Variants in CACNA2D4 observed in about 807,000 individuals in gnomAD.
CACNA2D4 encodes the protein voltage-dependent calcium channel subunit alpha-2/delta-4.
A neutral mutation model predicts 163.8 loss-of-function variants in CACNA2D4; 157 were observed. That is an observed-to-expected ratio of 0.96 (90% CI 0.84 to 1.09). The LOEUF is 1.09. Among genes scored for constraint, CACNA2D4 ranks in the 50% least tolerant of loss-of-function variants. The pLI is 0.00. For missense variants in CACNA2D4, 1,410 were observed against 1,479.9 expected, an observed-to-expected ratio of 0.95 and a Z score of 0.78; for synonymous variants, 598 against 586.9, an observed-to-expected ratio of 1.02 and a Z score of -0.27.
chr12:1,857,138 G>A (rs1023003522), intron 20 of CACNA2D4, among the ~76,000 whole-genome samples: 1 of 152,234 alleles, frequency 6.6e-6, no homozygotes, highest in Non-Finnish European at 1.5e-5. Context: ...GAGGCCTAGG[G>A]ATGATGGGGA....
chr12:1,918,154 C>T (rs188762514), intron 1 of CACNA2D4, 93 bp downstream of exon 1: 46 of 882,700 alleles, frequency 5.2e-5, no homozygotes, highest in East Asian at 1.1e-4. Flanking sequence ...AGGGCAGGGG[C>T]GGGAGGAGTG....
chr12:1,817,441 T>C (rs986241437), intron 26 of CACNA2D4, among the ~76,000 whole-genome samples: 9 of 151,996 alleles, frequency 5.9e-5, no homozygotes, highest in Admixed American at 2.6e-4. Flanking sequence ...CTTGAACAGC[T>C]CTGTGTAGGA....
At chr12:1,840,840 C>T in intron 25 of CACNA2D4, 21 bp from the exon 26 acceptor site, 4 of 1,486,756 alleles carry the variant, frequency 2.7e-6, no homozygotes, top group Non-Finnish European at 3.6e-6. Flanking sequence ...AGAGACAACC[C>T]AGTCATGGGG....
intron 6 of CACNA2D4, among the ~76,000 whole-genome samples, chr12:1,903,813 G>A (rs11503099): frequency 6.6e-6 from 1 of 151,900 alleles, no homozygotes; most frequent in Non-Finnish European, 1.5e-5. Flanking sequence ...CAGTTTTGAG[G>A]TTCCTCAAAA....
At chr12:1,887,798 A>G (rs1866185169) in intron 6 of CACNA2D4, among the ~76,000 whole-genome samples, 1 of 152,210 alleles carries the variant, frequency 6.6e-6, no homozygotes, top group Non-Finnish European at 1.5e-5. Context: ...TAAAAGAAGA[A>G]GAGTAAAAAT....
At chr12:1,825,581 C>T (rs926040712) in intron 26 of CACNA2D4, among the ~76,000 whole-genome samples, 1 of 152,212 alleles carries the variant, frequency 6.6e-6, no homozygotes, top group Admixed American at 6.5e-5. Context: ...TGCTGGAGTG[C>T]TGCCAGCCAG....
chr12:1,884,205 G>A (rs1318653546), intron 12 of CACNA2D4, 38 bp downstream of exon 12: 3 of 1,583,064 alleles, frequency 1.9e-6, no homozygotes, highest in African/African-American at 2.7e-5. Context: ...CCTGTGCTCA[G>A]GTGCAGGTGG....
At chr12:1,871,030 C>T (rs1176109371) in intron 18 of CACNA2D4, among the ~76,000 whole-genome samples, 1 of 152,178 alleles carries the variant, frequency 6.6e-6, no homozygotes, top group Non-Finnish European at 1.5e-5. Context: ...ATGCCAGCCG[C>T]TGGTGTGTGT....
chr12:1,890,286 TCCAGACTCCA>T (rs1016567817), intron 6 of CACNA2D4, among the ~76,000 whole-genome samples: 2 of 151,952 alleles, frequency 1.3e-5, no homozygotes, highest in African/African-American at 4.8e-5. Flanking sequence ...ATATCAAGAG[TCCAGACTCCA>T]CCAGACTGCG....
In CACNA2D4 at chr12:1,810,155, G is replaced by C. The variant is rs1011011821; in HGVS notation, c.2721+123C>G. ...ACCATGTTCTTCAGACCTTTCACCTGAATTGGCCCCGAACAGGGTTCCCTC... is the reference window on the plus strand; with the variant it reads ...ACCATGTTCTTCAGACCTTTCACCTCAATTGGCCCCGAACAGGGTTCCCTC... On this transcript the variant is annotated intron_variant, in intron 29 of 37. Coordinates refer to ENST00000382722, the MANE Select transcript of CACNA2D4 (RefSeq NM_172364.5). 1.6e-5 allele frequency: 12 copies of C among 739,182 alleles called. No homozygotes were observed. The African/African-American group carries it at 1.9e-4, about 12-fold the overall frequency. 45.8% of individuals were successfully genotyped at this position (739,182 alleles called of 1,614,324 possible).
chr12:1,838,243 ACACGGCAGTGACGCGCAGCCCGC>A (rs1385569578), intron 26 of CACNA2D4, among the ~76,000 whole-genome samples: 1 of 152,134 alleles, frequency 6.6e-6, no homozygotes, highest in Non-Finnish European at 1.5e-5. Context: ...GTGGTGTTAT[ACACGGCAGTGACGCGCAGCCCGC>A]CACTGCCCCC....
At chr12:1,899,308 T>C (rs1565735990) in intron 6 of CACNA2D4, among the ~76,000 whole-genome samples, 1 of 151,478 alleles carries the variant, frequency 6.6e-6, no homozygotes, top group Non-Finnish European at 1.5e-5. Context: ...AAGGAGAACA[T>C]AAGAAAGAGC....
chr12:1,917,072 C>T lies in CACNA2D4; in HGVS notation c.227+1175G>A, dbSNP rs543223710. The stretch of plus-strand genomic sequence containing the variant: ...GAACATCTCCTGCAGCAACAGATAG[C>T]GTTACGGGCTGGCGGCGGGTGTAAT... On this transcript the variant is annotated intron_variant, in intron 1 of 37. Coordinates refer to ENST00000382722, the MANE Select transcript of CACNA2D4 (RefSeq NM_172364.5). The surrounding 1 kb of genome is among the most constrained non-coding windows in gnomAD (Gnocchi z 4.3). 4.9e-4 allele frequency among the ~76,000 whole-genome samples: 75 copies of T among 152,274 alleles called. No individual in the cohort carries two copies. Among genetic ancestry groups the T allele is most frequent in the African/African-American group, 1.8e-3 (73 of 41,542 alleles).
In CACNA2D4 at chr12:1,797,482, CG is replaced by C; in HGVS notation, c.3048del (p.Val1017CysfsTer38). The C allele has an allele frequency of 6.3e-7, 1 of 1,585,792 alleles. No individual in the cohort carries two copies. The highest frequency in any genetic ancestry group is 8.6e-7 in the Non-Finnish European group (1 of 1,168,300). On this transcript the variant is annotated frameshift_variant, in exon 35 of 38. Transcript: ENST00000382722. LOFTEE classifies it high-confidence loss of function. The part of the protein sequence containing the change: ...DPLQPCDTEY[P>X]VFVYQPAIRE... ...CGGATGGCCGGCTGGTACACGAACA[CG>C]GGGTACTCCGTGTCGCAGGGCTGCA...
In CACNA2D4 at chr12:1,884,855, G is replaced by A; in HGVS notation, c.1185C>T (p.Leu395=). 6.2e-7 allele frequency: 1 copy of A among 1,613,860 alleles called. No individual in the cohort carries two copies. Among genetic ancestry groups the A allele is most frequent in the African/African-American group, 1.3e-5 (1 of 75,020 alleles). The change falls in exon 11 of 38, where the codon CTC becomes CTT. Residue 395 remains leucine (L), a synonymous_variant. Coordinates refer to ENST00000382722, the MANE Select transcript of CACNA2D4 (RefSeq NM_172364.5). The part of the protein sequence containing the change: ...KQFQEAKQGS[L]CNQAIMLISD... ...TGATGAGCATGATGGCCTGGTTGCAGAGGCTTCCTTGCTTGGCCTCTTGGA... is the reference window on the plus strand; with the variant it reads ...TGATGAGCATGATGGCCTGGTTGCAAAGGCTTCCTTGCTTGGCCTCTTGGA...
intron 6 of CACNA2D4, among the ~76,000 whole-genome samples, chr12:1,897,030 C>A (rs886332206): frequency 2.6e-5 from 4 of 151,614 alleles, no homozygotes; most frequent in Non-Finnish European, 5.9e-5. Flanking sequence ...ACAAGCCAGG[C>A]ATAGAAAAAC....
chr12:1,910,131 G>A (rs1866779157), intron 3 of CACNA2D4, among the ~76,000 whole-genome samples, 166 bp from the exon 4 acceptor site: 1 of 152,254 alleles, frequency 6.6e-6, no homozygotes, highest in Non-Finnish European at 1.5e-5. Flanking sequence ...AATATTCACA[G>A]CCACACTATG....
rs1033557398 is a variant in CACNA2D4 at position 1,918,292 on chromosome 12, G to C, written c.182C>G (p.Thr61Ser). The change falls in exon 1 of 38, where the codon ACC (threonine) becomes AGC (serine). Residue 61 changes from threonine (T) to serine (S), a missense_variant. Transcript: ENST00000382722. ...SALLWLLLLG[T>S]SLSPAWGQAK... ...CTGTCCCCACGCAGGGGACAGGGAGGTGCCTAGAAGCAGCAGCCACAGGAG... is the reference window on the plus strand; with the variant it reads ...CTGTCCCCACGCAGGGGACAGGGAGCTGCCTAGAAGCAGCAGCCACAGGAG... The C allele has an allele frequency of 1.2e-6, 2 of 1,610,272 alleles. No individual in the cohort carries two copies. Among genetic ancestry groups the C allele is most frequent in the African/African-American group, 1.3e-5 (1 of 74,774 alleles).
In CACNA2D4 at chr12:1,812,308, G is replaced by A. The variant is rs145593833; in HGVS notation, c.2552-585C>T. On this transcript the variant is annotated intron_variant, in intron 26 of 37. Transcript: ENST00000382722. ...GCCCAGGGCTGCAGGTGGGTTCCAG[G>A]AAACTACAGGCACCACCAGCTGGCA... Among the ~76,000 whole-genome samples, 174 of 152,290 alleles carry A rather than the reference G, an allele frequency of 1.1e-3. 1 individual carries two copies. The highest frequency in any genetic ancestry group is 4.1e-3 in the African/African-American group (169 of 41,542).
Sources: allele counts gnomAD v4.1 joint callset (sites outside exome capture counted in the v4.1 genomes callset), GRCh38; gene constraint gnomAD v4.1.1; non-coding constraint Gnocchi (gnomAD v3.1); transcripts MANE v1.5; gene names NCBI Gene and HGNC (gene_info 2026-07-23, HGNC 2026-07-21).